Variants in INHBA observed in about 807,000 individuals in gnomAD.
INHBA encodes inhibin subunit beta A.
Under a neutral mutation model 29.0 loss-of-function variants are expected in INHBA, and 1 was observed. The observed-to-expected ratio is 0.03, with a 90% CI of 0.01 to 0.16. The LOEUF is 0.16. Among genes scored for constraint, INHBA ranks in the 10% least tolerant of loss-of-function variants. INHBA has a pLI of 1.00. For missense variants in INHBA, 376 were observed against 545.4 expected (o/e 0.69, Z 3.09); for synonymous variants, 242 against 216.8 (o/e 1.12, Z -1.02).
In INHBA at chr7:41,690,498, T is replaced by C; in HGVS notation, c.433A>G (p.Ser145Gly). Residue 145 changes from serine (S) to glycine (G), a missense_variant, in exon 3 of 3, where the codon AGT becomes GGT. Physicochemically the swap from Ser to Gly is moderately conservative, Grantham distance 56. Transcript: ENST00000242208. ...TLHFEISKEGSDLSVVERAEV... is the reference protein window; with the variant it reads ...TLHFEISKEGGDLSVVERAEV... ...GCACGCTCCACCACTGACAGGTCAC[T>C]GCCTTCCTTGGAAATCTCGAAGTGC... 1 of 1,611,586 alleles carries C rather than the reference T, an allele frequency of 6.2e-7. No homozygotes were observed. Among genetic ancestry groups the C allele is most frequent in the Non-Finnish European group, 8.5e-7 (1 of 1,179,024 alleles).
At chr7:41,698,063 C>T (rs1193004040) in intron 2 of INHBA, among the ~76,000 whole-genome samples, 1 of 152,008 alleles carries the variant, frequency 6.6e-6, no homozygotes, top group Non-Finnish European at 1.5e-5. Flanking sequence ...TTTCAAAAGT[C>T]GCTCATTTTT....
chr7:41,703,790 C>CACACA (rs1554287648), upstream of INHBA, among the ~76,000 whole-genome samples: 9 of 151,338 alleles, frequency 5.9e-5, no homozygotes, highest in African/African-American at 9.8e-5. Context: ...CACACACACA[C>CACACA]ACAACAACAA....
Position 41,688,130 on chromosome 7 carries a change from C to T in INHBA, c.*1520G>A, listed in dbSNP as rs1794425549. ...CTTCTTAAAAATACTGTGTTTTGCACACAAACATTCATTGCTTTAAGAACA... is the reference window on the plus strand; with the variant it reads ...CTTCTTAAAAATACTGTGTTTTGCATACAAACATTCATTGCTTTAAGAACA... On this transcript the variant is annotated 3_prime_UTR_variant, in exon 3 of 3. Coordinates refer to ENST00000242208, the MANE Select transcript of INHBA (RefSeq NM_002192.4). The T allele has an allele frequency of 6.6e-6, 1 of 152,186 alleles. No homozygotes were observed. Among genetic ancestry groups the T allele is most frequent in the Non-Finnish European group, 1.5e-5 (1 of 68,040 alleles). The allele number at this position is 152,186 out of a possible 1,614,324, so 9.4% of individuals were successfully genotyped here. A position where few individuals can be genotyped will look rare whatever the true frequency, so the allele number is the denominator to read the frequency against.
upstream of INHBA, among the ~76,000 whole-genome samples, chr7:41,705,126 C>T (rs777089567): frequency 5.8e-4 from 89 of 152,296 alleles, no homozygotes; most frequent in Middle Eastern, 6.8e-3. Flanking sequence ...CTTTTCCCTG[C>T]GGAACTCAAG....
intron 2 of INHBA, among the ~76,000 whole-genome samples, chr7:41,697,857 C>T (rs1209351134): frequency 6.6e-6 from 1 of 152,160 alleles, no homozygotes; most frequent in Non-Finnish European, 1.5e-5. Context: ...GAAGAGTAGA[C>T]AGTCCATACA....
chr7:41,700,393 T>G lies in INHBA; in HGVS notation c.-19A>C. 7.0e-7 allele frequency: 1 copy of G among 1,422,798 alleles called. No individual in the cohort carries two copies. The highest frequency in any genetic ancestry group is 9.2e-7 in the Non-Finnish European group (1 of 1,086,716). The allele number at this position is 1,422,798 out of a possible 1,614,324, so 88.1% of individuals were successfully genotyped here. ...AGGGCATCCTGGCAGCAAAAGTTGT[T>G]GTGATTGCCTTTTTAAAAGGCCCTG... On this transcript the variant is annotated 5_prime_UTR_variant, in exon 2 of 3. Coordinates refer to ENST00000242208, the MANE Select transcript of INHBA (RefSeq NM_002192.4).
Position 41,686,875 on chromosome 7 carries a change from C to A in INHBA, c.*2775G>T, listed in dbSNP as rs905377946. The A allele has an allele frequency of 6.6e-6, 1 of 152,154 alleles. No homozygotes were observed. The highest frequency in any genetic ancestry group is 6.5e-5 in the Admixed American group (1 of 15,274). 9.4% of individuals were successfully genotyped at this position (152,154 alleles called of 1,614,324 possible). ...ATGGCCTTGACCATCTTTGCTACTG[C>A]GCAGTGAACCAGGACTTAATTTCTC... On this transcript the variant is annotated 3_prime_UTR_variant, in exon 3 of 3. Coordinates refer to ENST00000242208, the MANE Select transcript of INHBA (RefSeq NM_002192.4).
At chr7:41,691,446 C>T (rs994905579) in intron 2 of INHBA, 3 of 152,402 alleles carry the variant, frequency 2.0e-5, no homozygotes, top group Non-Finnish European at 2.9e-5. Context: ...TGCTCAGTAT[C>T]CAACAGAAAG....
chr7:41,693,273 C>G (rs58491535), intron 2 of INHBA, among the ~76,000 whole-genome samples: 1 of 152,154 alleles, frequency 6.6e-6, no homozygotes, highest in African/African-American at 2.4e-5. Context: ...TAACTCATCC[C>G]CATGAGCTCT....
At chr7:41,702,676 T>C (rs568293260) in intron 1 of INHBA, among the ~76,000 whole-genome samples, 45 of 152,226 alleles carry the variant, frequency 3.0e-4, no homozygotes, top group Non-Finnish European at 5.6e-4. Flanking sequence ...AATAGCAGCA[T>C]TTAGATAAGT....
rs1054392495 is a variant in INHBA at position 41,687,236 on chromosome 7, C to A, written c.*2414G>T. ...TATTTTTCAAGGAGAGCTAAACCAC[C>A]TTTTGTAATGTTTGGTTTCTCACTG... On this transcript the variant is annotated 3_prime_UTR_variant, in exon 3 of 3. Transcript: ENST00000242208. The A allele has an allele frequency of 3.3e-5, 5 of 152,138 alleles. No homozygotes were observed. The highest frequency in any genetic ancestry group is 3.3e-4 in the Admixed American group (5 of 15,268). 9.4% of individuals were successfully genotyped at this position (152,138 alleles called of 1,614,324 possible).
intron 2 of INHBA, among the ~76,000 whole-genome samples, 174 bp downstream of exon 2, chr7:41,699,813 C>T (rs1471025866): frequency 6.6e-6 from 1 of 152,100 alleles, no homozygotes; most frequent in Non-Finnish European, 1.5e-5. Context: ...GTCCTCTCCC[C>T]CTCCCCTGCC....
At chr7:41,703,339 T>C (rs1357670335), upstream of INHBA, among the ~76,000 whole-genome samples, 2 of 152,184 alleles carry the variant, frequency 1.3e-5, no homozygotes, top group Admixed American at 6.5e-5. Context: ...TAGAAAAACA[T>C]TGGAATCAAA....
chr7:41,696,277 T>C (rs1188086630), intron 2 of INHBA, among the ~76,000 whole-genome samples: 1 of 152,202 alleles, frequency 6.6e-6, no homozygotes, highest in Non-Finnish European at 1.5e-5. Flanking sequence ...AGGGAGAGAC[T>C]TGTGAGCAAA....
chr7:41,700,579 T>A, intron 1 of INHBA, 62 bp from the exon 2 acceptor site: 1 of 430,258 alleles, frequency 2.3e-6, no homozygotes. Context: ...CTGAATGCAG[T>A]CAGTGCTGTA....
In INHBA at chr7:41,700,480, T is replaced by TC. The variant is rs1302876865; in HGVS notation, c.-107_-106insG. 4.3e-5 allele frequency: 49 copies of TC among 1,143,760 alleles called. No individual in the cohort carries two copies. Among genetic ancestry groups the TC allele is most frequent in the Non-Finnish European group, 5.6e-5 (48 of 855,678 alleles). 70.9% of individuals were successfully genotyped at this position (1,143,760 alleles called of 1,614,324 possible). Reference sequence around the variant, plus strand: ...GTGTGGATTTTTTTATTTTTTTTTTTGGTGTTTTTTTTTTCCTTCTCCTCT... The same window carrying TC: ...GTGTGGATTTTTTTATTTTTTTTTTTCGGTGTTTTTTTTTTCCTTCTCCTCT... On this transcript the variant is annotated 5_prime_UTR_variant, in exon 2 of 3. Transcript: ENST00000242208.
At chr7:41,702,927 A>G (rs1478318096) in intron 1 of INHBA, 78 bp downstream of exon 1, 4 of 152,246 alleles carry the variant, frequency 2.6e-5, no homozygotes, top group Admixed American at 2.0e-4. Context: ...GGAAATGCCA[A>G]TTAGTTGTAA....
At position 41,689,549 on chromosome 7, in the gene INHBA, T is replaced by C. The variant is rs1461304320; in HGVS notation, c.*101A>G. On this transcript the variant is annotated 3_prime_UTR_variant, in exon 3 of 3. Transcript: ENST00000242208. ...TTTTTTTTTTTGTTTTGTTTTTAATTTCTATTTTTCTGGTTAACTCAGAAA... is the reference window on the plus strand; with the variant it reads ...TTTTTTTTTTTGTTTTGTTTTTAATCTCTATTTTTCTGGTTAACTCAGAAA... 1 of 921,010 alleles carries C rather than the reference T, an allele frequency of 1.1e-6. No homozygotes were observed. Among genetic ancestry groups the C allele is most frequent in the Non-Finnish European group, 1.5e-6 (1 of 679,480 alleles). The allele number at this position is 921,010 out of a possible 1,614,324, so 57.1% of individuals were successfully genotyped here.
rs1389923162 is a variant in INHBA, at chr7:41,687,975, G to A, written c.*1675C>T. 2 of 152,170 alleles carry A rather than the reference G, an allele frequency of 1.3e-5. No homozygotes were observed. Among genetic ancestry groups the A allele is most frequent in the African/African-American group, 2.4e-5 (1 of 41,450 alleles). The allele number at this position is 152,170 out of a possible 1,614,324, so 9.4% of individuals were successfully genotyped here. A position where few individuals can be genotyped will look rare whatever the true frequency, so the allele number is the denominator to read the frequency against. Reference sequence around the variant, plus strand: ...GTGGGAGGGGGCACAAAAAAGAGGAGGAAATTTGATCCCTGTACAATGAAA... The same window carrying A: ...GTGGGAGGGGGCACAAAAAAGAGGAAGAAATTTGATCCCTGTACAATGAAA... On this transcript the variant is annotated 3_prime_UTR_variant, in exon 3 of 3. Transcript: ENST00000242208.
Sources: gnomAD v4.1 joint callset for allele counts (sites outside exome capture counted in the v4.1 genomes callset) on GRCh38, gnomAD v4.1.1 for gene constraint, MANE v1.5 for transcripts, NCBI Gene and HGNC (gene_info 2026-07-23, HGNC 2026-07-21) for gene names.